EPAS1: variants seen among roughly 807,000 people sequenced by gnomAD.
The protein encoded by EPAS1 is endothelial PAS domain protein 1.
A neutral mutation model predicts 87.9 loss-of-function variants in EPAS1; 23 were observed. The observed-to-expected ratio is 0.26, with a 90% CI of 0.19 to 0.37. The LOEUF (loss-of-function observed/expected upper bound fraction) is 0.37. Ranked by LOEUF, EPAS1 falls within the 10% of genes least tolerant of loss-of-function variation. The pLI, the probability that EPAS1 is intolerant of heterozygous loss-of-function variation, is 1.00. For missense variants in EPAS1, 1,138 were observed against 1,120.7 expected (o/e 1.02, Z -0.22); for synonymous variants, 508 against 444.3 (o/e 1.14, Z -1.80).
chr2:46,384,900 GA>G lies in EPAS1; in HGVS notation c.*241del, dbSNP rs1395940579. ...TCTGAAATGTTCTTAAATTTTGTAG[GA>G]TTTTTTTCCTCCCCACCTTCAATGA... is the stretch of plus-strand genomic sequence containing the variant. On this transcript the variant is annotated 3_prime_UTR_variant, in exon 16 of 16. Transcript: ENST00000263734. The G allele has an allele frequency of 1.8e-6, 1 of 563,802 alleles. No individual in the cohort carries two copies. The highest frequency in any genetic ancestry group is 3.1e-6 in the Non-Finnish European group (1 of 319,908). The allele number at this position is 563,802 out of a possible 1,614,324, so 34.9% of individuals were successfully genotyped here.
chr2:46,384,375 G>T, intron 15 of EPAS1, 134 bp from the exon 16 acceptor site: 1 of 1,281,022 alleles, frequency 7.8e-7, no homozygotes, highest in Non-Finnish European at 1.1e-6. Flanking sequence ...GCAGCAGGCC[G>T]TGGGACAGAC....
intron 1 of EPAS1, among the ~76,000 whole-genome samples, chr2:46,317,299 G>C (rs1010482345): frequency 7.2e-5 from 11 of 152,142 alleles, no homozygotes; most frequent in Non-Finnish European, 1.2e-4. Context: ...ATTCATCTAG[G>C]AATCACTATC....
intron 6 of EPAS1, among the ~76,000 whole-genome samples, chr2:46,369,469 T>G (rs1391769384): frequency 6.6e-6 from 1 of 152,222 alleles, no homozygotes; most frequent in Non-Finnish European, 1.5e-5. Flanking sequence ...CTGCCCGTCC[T>G]GGATGTCTAC....
At chr2:46,340,438 C>T (rs905117585) in intron 1 of EPAS1, among the ~76,000 whole-genome samples, 5 of 152,148 alleles carry the variant, frequency 3.3e-5, no homozygotes, top group Non-Finnish European at 7.4e-5. Context: ...TCCAGGATTC[C>T]TCTTTCAGGG....
chr2:46,366,551 T>C (rs539390651), intron 6 of EPAS1, among the ~76,000 whole-genome samples: 3 of 152,206 alleles, frequency 2.0e-5, no homozygotes, highest in Admixed American at 2.0e-4. Context: ...TTTTTGACTT[T>C]ATTATTAAAA....
At chr2:46,381,430 C>T (rs1684888626) in intron 12 of EPAS1, 166 bp from the exon 13 acceptor site, 29 of 1,050,926 alleles carry the variant, frequency 2.8e-5, no homozygotes, top group East Asian at 2.6e-4. Context: ...AGACAGAGCT[C>T]GAGCTCGGCC....
Position 46,375,922 on chromosome 2 carries a change from G to A in EPAS1, c.1034+85G>A. 4 of 1,581,642 alleles carry A rather than the reference G, an allele frequency of 2.5e-6. No individual in the cohort carries two copies. The highest frequency in any genetic ancestry group is 3.5e-6 in the Non-Finnish European group (4 of 1,152,746). On this transcript the variant is annotated intron_variant, in intron 8 of 15. Transcript: ENST00000263734. The surrounding 1 kb of genome is among the most constrained non-coding windows in gnomAD (Gnocchi z 4.1). ...CAGACTCAGGATGACAGGCCTAGGA[G>A]ATGCCAGGCCTCTCAGCGCCCTGGG...
At position 46,375,546 on chromosome 2, in the gene EPAS1, C is replaced by T. The variant is rs553131809; in HGVS notation, c.887-144C>T. The T allele has an allele frequency of 5.3e-6, 5 of 952,146 alleles. No homozygotes were observed. The South Asian group carries it at 5.8e-5, about 11-fold the overall frequency. 59.0% of individuals were successfully genotyped at this position (952,146 alleles called of 1,614,324 possible). A position where few individuals can be genotyped will look rare whatever the true frequency, so the allele number is the denominator to read the frequency against. ...GTGATCCCTAAGCTCCCTCCCAGGT[C>T]ACTCTCCCTGGTCCTCACTGTCGTG... is the stretch of plus-strand genomic sequence containing the variant. On this transcript the variant is annotated intron_variant, in intron 7 of 15. Coordinates refer to ENST00000263734, the MANE Select transcript of EPAS1 (RefSeq NM_001430.5). The surrounding 1 kb of genome is among the most constrained non-coding windows in gnomAD (Gnocchi z 4.1).
chr2:46,372,470 T>C (rs1489140816), intron 7 of EPAS1, among the ~76,000 whole-genome samples: 1 of 152,270 alleles, frequency 6.6e-6, no homozygotes, highest in African/African-American at 2.4e-5. Context: ...AGGTTTACCG[T>C]TGAAATGCCT....
At chr2:46,354,532 A>G (rs1232386175) in intron 2 of EPAS1, among the ~76,000 whole-genome samples, 1 of 150,966 alleles carries the variant, frequency 6.6e-6, no homozygotes, top group Non-Finnish European at 1.5e-5. Context: ...AGCCGAGTCT[A>G]TATTTTTCAG....
intron 6 of EPAS1, among the ~76,000 whole-genome samples, chr2:46,365,641 G>T (rs940594508): frequency 6.6e-6 from 1 of 152,222 alleles, no homozygotes; most frequent in Non-Finnish European, 1.5e-5. Flanking sequence ...GTTAATTACA[G>T]AGCTGGTTGT....
chr2:46,344,163 G>A (rs1001448313), intron 1 of EPAS1, among the ~76,000 whole-genome samples: 1 of 152,196 alleles, frequency 6.6e-6, no homozygotes, highest in Non-Finnish European at 1.5e-5. Flanking sequence ...ACTAATATAT[G>A]AAAGGTTTTT....
chr2:46,300,543 T>A lies in EPAS1; in HGVS notation c.26+2606T>A, dbSNP rs910121822. Among the ~76,000 whole-genome samples, 2 of 152,312 alleles carry A rather than the reference T, an allele frequency of 1.3e-5. No individual in the cohort carries two copies. Among genetic ancestry groups the A allele is most frequent in the African/African-American group, 4.8e-5 (2 of 41,560 alleles). The stretch of plus-strand genomic sequence containing the variant: ...ACCAGTTTTGGTGGTAGTGGGCATT[T>A]GCGGTGACATCACAGATGTCAGAAA... On this transcript the variant is annotated intron_variant, in intron 1 of 15. Transcript: ENST00000263734. This position sits in a 1 kb window ranked among gnomAD's most constrained non-coding sequence, Gnocchi z 4.1.
chr2:46,356,074 C>A, intron 2 of EPAS1, 77 bp from the exon 3 acceptor site: 1 of 1,496,222 alleles, frequency 6.7e-7, no homozygotes, highest in Non-Finnish European at 9.3e-7. Flanking sequence ...CCATCCCTGG[C>A]AAATGCCTAT....
At chr2:46,327,248 T>G (rs986773125) in intron 1 of EPAS1, among the ~76,000 whole-genome samples, 15 of 152,166 alleles carry the variant, frequency 9.9e-5, no homozygotes, top group African/African-American at 3.4e-4. Flanking sequence ...TGTGTTGGCA[T>G]AATGAAAAAG....
intron 14 of EPAS1, 141 bp from the exon 15 acceptor site, chr2:46,382,284 T>A: frequency 8.5e-7 from 1 of 1,180,808 alleles, no homozygotes; most frequent in Non-Finnish European, 1.3e-6. Flanking sequence ...ACTTAGATGA[T>A]GCCATCAGAG....
chr2:46,352,328 A>G (rs1482727632), intron 2 of EPAS1, among the ~76,000 whole-genome samples: 1 of 152,228 alleles, frequency 6.6e-6, no homozygotes, highest in Non-Finnish European at 1.5e-5. Flanking sequence ...GAGGGAAGGA[A>G]CTGCCCTTAC....
At chr2:46,358,861 C>G (rs140259805) in intron 4 of EPAS1, among the ~76,000 whole-genome samples, 1 of 152,276 alleles carries the variant, frequency 6.6e-6, no homozygotes, top group Non-Finnish European at 1.5e-5. Context: ...TTGTGGAAGG[C>G]TTTGAAGGCC....
At chr2:46,310,839 C>G (rs1395793644) in intron 1 of EPAS1, among the ~76,000 whole-genome samples, 1 of 152,216 alleles carries the variant, frequency 6.6e-6, no homozygotes, top group Non-Finnish European at 1.5e-5. Flanking sequence ...CTCCTGAGTA[C>G]TTTTGGCTTA....
Sources: gnomAD v4.1 joint callset for allele counts (sites outside exome capture counted in the v4.1 genomes callset) on GRCh38, gnomAD v4.1.1 for gene constraint, Gnocchi (gnomAD v3.1) non-coding constraint, MANE v1.5 for transcripts, NCBI Gene and HGNC (gene_info 2026-07-23, HGNC 2026-07-21) for gene names.